The following ELMOD1 variants were observed in gnomAD, a reference collection of about 807,000 sequenced individuals.
ELMOD1 encodes ELMO domain containing 1.
ELMOD1 carries 21 observed loss-of-function variants against 46.7 expected under a neutral mutation model. That is an observed-to-expected ratio of 0.45 (90% CI 0.32 to 0.65). The LOEUF is 0.65. Among genes scored for constraint, ELMOD1 ranks in the 30% least tolerant of loss-of-function variants. The pLI, the probability that ELMOD1 is intolerant of heterozygous loss-of-function variation, is 0.04. For missense variants in ELMOD1, 348 were observed against 407.8 expected (o/e 0.85, Z 1.26); for synonymous variants, 122 against 138.2 (o/e 0.88, Z 0.82).
intron 6 of ELMOD1, among the ~76,000 whole-genome samples, chr11:107,644,472 T>TAC: frequency 6.6e-6 from 1 of 151,964 alleles, no homozygotes; most frequent in Middle Eastern, 3.4e-3. Context: ...TATATATATA[T>TAC]ACTTTTTTTT....
chr11:107,630,984 A>C (rs1473064162), intron 4 of ELMOD1, among the ~76,000 whole-genome samples: 4 of 152,126 alleles, frequency 2.6e-5, no homozygotes, highest in Admixed American at 6.5e-5. Context: ...CCTCTTCCCA[A>C]ATCATAAAAT....
At chr11:107,650,549 G>C in intron 8 of ELMOD1, 146 bp downstream of exon 8, 1 of 686,186 alleles carries the variant, frequency 1.5e-6, no homozygotes, top group Non-Finnish European at 2.5e-6. Flanking sequence ...TGCTGAGTTG[G>C]AGGGTTAAAA....
intron 9 of ELMOD1, 115 bp from the exon 10 acceptor site, chr11:107,654,057 T>C: frequency 2.4e-6 from 2 of 824,282 alleles, no homozygotes; most frequent in Non-Finnish European, 3.9e-6. Context: ...TGTTGGATAA[T>C]TGAGCTACAG....
At chr11:107,659,104 G>C (rs1344535376) in intron 11 of ELMOD1, among the ~76,000 whole-genome samples, 2 of 152,180 alleles carry the variant, frequency 1.3e-5, no homozygotes, top group Non-Finnish European at 2.9e-5. Flanking sequence ...AAGCAAAAGA[G>C]TATGTGGATT....
intron 6 of ELMOD1, among the ~76,000 whole-genome samples, chr11:107,644,358 C>G (rs898852830): frequency 2.6e-5 from 4 of 152,026 alleles, no homozygotes; most frequent in Non-Finnish European, 5.9e-5. Context: ...AATAAGCATC[C>G]CACGCTATAA....
chr11:107,644,474 CT>C (rs896778261), intron 6 of ELMOD1, among the ~76,000 whole-genome samples: 9 of 151,210 alleles, frequency 6.0e-5, no homozygotes, highest in African/African-American at 2.2e-4. Flanking sequence ...TATATATATA[CT>C]TTTTTTTCTT....
intron 11 of ELMOD1, among the ~76,000 whole-genome samples, chr11:107,657,298 G>A (rs949746143): frequency 2.0e-5 from 3 of 152,130 alleles, no homozygotes; most frequent in African/African-American, 7.2e-5. Context: ...AATCCCAGCA[G>A]TTTGGGAGGC....
intron 10 of ELMOD1, 51 bp downstream of exon 10, chr11:107,654,273 A>G: frequency 6.9e-7 from 1 of 1,442,678 alleles, no homozygotes; most frequent in Non-Finnish European, 9.6e-7. Flanking sequence ...ACAGAACCAG[A>G]ACTAGAACTA....
At chr11:107,655,356 C>A (rs1866608715) in intron 10 of ELMOD1, among the ~76,000 whole-genome samples, 1 of 152,032 alleles carries the variant, frequency 6.6e-6, no homozygotes, top group Admixed American at 6.5e-5. Flanking sequence ...TGAATTATAT[C>A]TATAAAGCTT....
At chr11:107,609,402 A>G (rs1049920144) in intron 1 of ELMOD1, among the ~76,000 whole-genome samples, 4 of 152,212 alleles carry the variant, frequency 2.6e-5, no homozygotes, top group Admixed American at 1.3e-4. Flanking sequence ...TGGTTGTTAC[A>G]GGGGATAAAC....
At chr11:107,604,456 G>A (rs1326041267) in intron 1 of ELMOD1, among the ~76,000 whole-genome samples, 3 of 152,176 alleles carry the variant, frequency 2.0e-5, no homozygotes, top group Non-Finnish European at 2.9e-5. Context: ...TTCACCAACC[G>A]ATAAATTCTT....
At chr11:107,614,165 C>T (rs1313227677) in intron 1 of ELMOD1, among the ~76,000 whole-genome samples, 1 of 152,170 alleles carries the variant, frequency 6.6e-6, no homozygotes, top group Non-Finnish European at 1.5e-5. Flanking sequence ...ATTGAATCTA[C>T]CTTCTAACTA....
chr11:107,662,037 C>G (rs927329022), intron 11 of ELMOD1, among the ~76,000 whole-genome samples: 5 of 152,194 alleles, frequency 3.3e-5, no homozygotes, highest in Admixed American at 6.5e-5. Context: ...GAGAAAAGCT[C>G]AGGGCATAAA....
chr11:107,643,186 G>A (rs1377247237), intron 6 of ELMOD1, among the ~76,000 whole-genome samples: 1 of 151,872 alleles, frequency 6.6e-6, no homozygotes, highest in Non-Finnish European at 1.5e-5. Flanking sequence ...GACCAACATG[G>A]TGAAACCTCA....
At chr11:107,618,958 A>G (rs1565375391) in intron 2 of ELMOD1, among the ~76,000 whole-genome samples, 1 of 152,218 alleles carries the variant, frequency 6.6e-6, no homozygotes, top group African/African-American at 2.4e-5. Context: ...CATACTTTCC[A>G]GAAGATCGGG....
At chr11:107,650,089 TAAATTTTCA>T (rs761967961) in intron 7 of ELMOD1, among the ~76,000 whole-genome samples, 14 of 152,204 alleles carry the variant, frequency 9.2e-5, no homozygotes, top group Non-Finnish European at 1.5e-4. Flanking sequence ...AGCTCTTAAT[TAAATTTTCA>T]AAATCTACTG....
At chr11:107,600,622 A>T (rs1865581163) in intron 1 of ELMOD1, 1 of 152,806 alleles carries the variant, frequency 6.5e-6, no homozygotes, top group Non-Finnish European at 1.5e-5. Flanking sequence ...ATAATACCGT[A>T]TCAAATGATT....
intron 6 of ELMOD1, among the ~76,000 whole-genome samples, chr11:107,636,137 A>T (rs901541735): frequency 6.6e-6 from 1 of 152,198 alleles, no homozygotes; most frequent in African/African-American, 2.4e-5. Context: ...CTTTTAATAC[A>T]CATCAGAGAA....
chr11:107,663,482 A>C (rs1176640961), intron 11 of ELMOD1, among the ~76,000 whole-genome samples: 1 of 142,848 alleles, frequency 7.0e-6, no homozygotes, highest in Non-Finnish European at 1.5e-5. Flanking sequence ...TTTCCTCTAA[A>C]AAATTAATAA....
Sources: allele counts gnomAD v4.1 joint callset (sites outside exome capture counted in the v4.1 genomes callset), GRCh38; gene constraint gnomAD v4.1.1; transcripts MANE v1.5; gene names NCBI Gene and HGNC (gene_info 2026-07-23, HGNC 2026-07-21).